The following SEC24A variants were observed in gnomAD, a reference collection of about 807,000 sequenced individuals.
The protein encoded by SEC24A is protein transport protein Sec24A.
In SEC24A, 93 loss-of-function variants were observed where a neutral mutation model predicts 129.4. The ratio of observed to expected loss-of-function variants is 0.72; its 90% confidence interval spans 0.61 to 0.85. The LOEUF is 0.85. Ranked by LOEUF, SEC24A falls within the 40% of genes least tolerant of loss-of-function variation. The probability of loss-of-function intolerance (pLI) is 0.00; values close to 1 mark genes in which losing one functional copy is unlikely to be tolerated. For synonymous variants in SEC24A, 460 were observed against 467.3 expected (o/e 0.98, Z 0.20); for missense variants, 1,264 against 1,307.4 (o/e 0.97, Z 0.51).
At chr5:134,653,724 A>T (rs1210322088) in intron 1 of SEC24A, among the ~76,000 whole-genome samples, 3 of 152,048 alleles carry the variant, frequency 2.0e-5, no homozygotes, top group Admixed American at 2.0e-4. Flanking sequence ...AAAAATAGGC[A>T]TGGTGCGGGC....
chr5:134,696,494 T>A (rs964589185), intron 13 of SEC24A, among the ~76,000 whole-genome samples: 1 of 152,060 alleles, frequency 6.6e-6, no homozygotes, highest in Non-Finnish European at 1.5e-5. Context: ...AGAAAATTTT[T>A]AAAAAACATA....
intron 20 of SEC24A, among the ~76,000 whole-genome samples, chr5:134,718,762 A>G (rs967416992): frequency 1.3e-5 from 2 of 152,152 alleles, no homozygotes; most frequent in Non-Finnish European, 2.9e-5. Context: ...ATTTGAGGTC[A>G]GGAGTTCAAG....
Position 134,686,831 on chromosome 5 carries a change from T to G in SEC24A, c.1533T>G (p.Asp511Glu). Residue 511 changes from aspartate (D) to glutamate (E), a missense_variant, in exon 10 of 23, where the codon GAT becomes GAG. Physicochemically the swap from Asp to Glu is conservative, Grantham distance 45. Transcript: ENST00000398844. ...PQPPVYLFVF[D>E]VSHNAVETGY... ...CTCCAGTGTATCTCTTTGTATTTGA[T>G]GTGTCTCACAATGCAGTCGAAACTG... 1 of 1,610,564 alleles carries G rather than the reference T, an allele frequency of 6.2e-7. No homozygotes were observed. Among genetic ancestry groups the G allele is most frequent in the Non-Finnish European group, 8.5e-7 (1 of 1,178,530 alleles).
Position 134,698,014 on chromosome 5 carries a change from G to A in SEC24A, c.2223G>A (p.Arg741=). 1.2e-6 allele frequency: 2 copies of A among 1,613,942 alleles called. No homozygotes were observed. The highest frequency in any genetic ancestry group is 1.7e-6 in the Non-Finnish European group (2 of 1,179,970). The change falls in exon 15 of 23, where the codon CGG becomes CGA. Residue 741 remains arginine (R), a synonymous_variant. Coordinates refer to ENST00000398844, the MANE Select transcript of SEC24A (RefSeq NM_021982.3). ...LQKELQRYLT[R]KIGFEAVMRI... is the part of the protein sequence containing the mutation. ...AGGAACTACAGAGATACCTTACTCG[G>A]AAGATTGGCTTTGAGGCAGTCATGA...
At chr5:134,717,903 G>A (rs941690045) in intron 19 of SEC24A, among the ~76,000 whole-genome samples, 166 bp from the exon 20 acceptor site, 10 of 152,222 alleles carry the variant, frequency 6.6e-5, no homozygotes, top group South Asian at 2.1e-4. Flanking sequence ...CAACAAGAGC[G>A]AAACTCCGTC....
chr5:134,688,755 C>T (rs1455525076), intron 11 of SEC24A, among the ~76,000 whole-genome samples: 1 of 152,120 alleles, frequency 6.6e-6, no homozygotes, highest in Non-Finnish European at 1.5e-5. Flanking sequence ...TCTTGGCTTA[C>T]TGCAGCCTAT....
In SEC24A at chr5:134,659,279, A is replaced by G. The variant is rs188042191; in HGVS notation, c.98-1840A>G. Among the ~76,000 whole-genome samples, 546 of 151,920 alleles carry G rather than the reference A, an allele frequency of 3.6e-3. 4 individuals carry two copies. Among genetic ancestry groups the G allele is most frequent in the Non-Finnish European group, 5.2e-3 (350 of 67,960 alleles). Reference sequence around the variant, plus strand: ...AGTAGAGATGGGGTTTCACCATGTTAGCCAGGATGGTCTTGATCTCCTGAC... The same window carrying G: ...AGTAGAGATGGGGTTTCACCATGTTGGCCAGGATGGTCTTGATCTCCTGAC... On this transcript the variant is annotated intron_variant, in intron 1 of 22. Coordinates refer to ENST00000398844, the MANE Select transcript of SEC24A (RefSeq NM_021982.3).
At chr5:134,665,647 C>T (rs1360984095) in intron 2 of SEC24A, among the ~76,000 whole-genome samples, 1 of 151,826 alleles carries the variant, frequency 6.6e-6, no homozygotes, top group Non-Finnish European at 1.5e-5. Flanking sequence ...ACCTCTGCCT[C>T]GCAGGTTCAA....
chr5:134,681,065 C>T lies in SEC24A; in HGVS notation c.1382-1308C>T, dbSNP rs943334342. Among the ~76,000 whole-genome samples the T allele has an allele frequency of 2.7e-5, 4 of 150,666 alleles. No individual in the cohort carries two copies. In the East Asian group the frequency reaches 6.0e-4, roughly 23 times the overall value. On this transcript the variant is annotated intron_variant, in intron 8 of 22. Coordinates refer to ENST00000398844, the MANE Select transcript of SEC24A (RefSeq NM_021982.3). ...AGTGAGCCGAAATCGAGTCATTGCA[C>T]TCCAGCCTGGGCGACAGAGCGAGAC... is the stretch of plus-strand genomic sequence containing the variant.
chr5:134,717,975 T>C, intron 19 of SEC24A, 94 bp from the exon 20 acceptor site: 1 of 832,568 alleles, frequency 1.2e-6, no homozygotes, highest in Non-Finnish European at 2.1e-6. Context: ...CCCAGACTTG[T>C]AGAGGTAACA....
At chr5:134,723,769 T>C (rs1752686603) in intron 22 of SEC24A, 99 bp downstream of exon 22, 2 of 707,480 alleles carry the variant, frequency 2.8e-6, no homozygotes, top group Non-Finnish European at 4.9e-6. Context: ...AGAAAAAGAG[T>C]TCTTCTCAAT....
chr5:134,715,032 C>G lies in SEC24A; in HGVS notation c.2736C>G (p.Phe912Leu). 1 of 1,612,270 alleles carries G rather than the reference C, an allele frequency of 6.2e-7. No homozygotes were observed. Residue 912 changes from phenylalanine to leucine, a missense_variant, in exon 19 of 23, where the codon TTC becomes TTG. Physicochemically the swap from Phe to Leu is conservative, Grantham distance 22 (BLOSUM62 0). Transcript: ENST00000398844. ...FVLALLKQKS[F>L]QTGTNARLDE... ...GGGGTTTTCTGTTACAGAAATCATTCCAGACTGGGACAAATGCACGTCTAG... is the reference window on the plus strand; with the variant it reads ...GGGGTTTTCTGTTACAGAAATCATTGCAGACTGGGACAAATGCACGTCTAG...
chr5:134,670,283 A>T (rs1490322621), intron 3 of SEC24A, among the ~76,000 whole-genome samples: 1 of 152,180 alleles, frequency 6.6e-6, no homozygotes, highest in Non-Finnish European at 1.5e-5. Flanking sequence ...TGTTTCTCCT[A>T]AAAGTTTTAC....
chr5:134,700,577 A>G (rs1178422018), intron 15 of SEC24A, among the ~76,000 whole-genome samples: 3 of 151,868 alleles, frequency 2.0e-5, no homozygotes, highest in Admixed American at 6.6e-5. Flanking sequence ...AAAAAAAAAA[A>G]GATAAAGATC....
chr5:134,676,327 A>AG (rs1461318916), intron 7 of SEC24A, among the ~76,000 whole-genome samples: 1 of 150,492 alleles, frequency 6.6e-6, no homozygotes, highest in African/African-American at 2.4e-5. Context: ...TTTAGTAGAG[A>AG]GGGGGTTTCA....
intron 17 of SEC24A, among the ~76,000 whole-genome samples, chr5:134,706,734 A>G (rs1752170907): frequency 1.3e-5 from 2 of 152,166 alleles, no homozygotes; most frequent in South Asian, 4.1e-4. Context: ...TCACCCTCCC[A>G]GGATGGAGTG....
chr5:134,690,623 T>C (rs1751612544), intron 11 of SEC24A, among the ~76,000 whole-genome samples: 1 of 152,180 alleles, frequency 6.6e-6, no homozygotes, highest in Non-Finnish European at 1.5e-5. Flanking sequence ...CCAGGCCTTA[T>C]TTTTTTGTAA....
chr5:134,684,849 G>C (rs1751395110), intron 9 of SEC24A, among the ~76,000 whole-genome samples: 1 of 152,056 alleles, frequency 6.6e-6, no homozygotes, highest in Non-Finnish European at 1.5e-5. Flanking sequence ...TACCTTCCTA[G>C]TTTCCCTTTA....
In SEC24A at chr5:134,688,257, A is replaced by G; in HGVS notation, c.1681A>G (p.Ser561Gly). 6.2e-7 allele frequency: 1 copy of G among 1,610,102 alleles called. No homozygotes were observed. The highest frequency in any genetic ancestry group is 8.5e-7 in the Non-Finnish European group (1 of 1,176,452). ...AATCCATTTCTACGGTCTTCAGGAA[A>G]GTCTCTCTCAACCTCAGATGCTAAT... ...STIHFYGLQE[S>G]LSQPQMLIVS... Residue 561 changes from serine to glycine, a missense_variant, in exon 11 of 23, where the codon AGT becomes GGT. Physicochemically the swap from Ser to Gly is moderately conservative, Grantham distance 56. Transcript: ENST00000398844.
Sources: allele counts gnomAD v4.1 joint callset (sites outside exome capture counted in the v4.1 genomes callset), GRCh38; gene constraint gnomAD v4.1.1; transcripts MANE v1.5; gene names NCBI Gene and HGNC (gene_info 2026-07-23, HGNC 2026-07-21).